Variants in SERINC5 observed in about 807,000 individuals in gnomAD.
SERINC5 encodes the protein chromosome 5 open reading frame 12.
SERINC5 carries 41 observed loss-of-function variants against 63.1 expected under a neutral mutation model. That is an observed-to-expected ratio of 0.65 (90% CI 0.51 to 0.84). The LOEUF (loss-of-function observed/expected upper bound fraction) is 0.84, where lower values mean the gene tolerates loss of function less well. Ranked by LOEUF, SERINC5 falls within the 40% of genes least tolerant of loss-of-function variation. The probability of loss-of-function intolerance (pLI) is 0.00; values close to 1 mark genes in which losing one functional copy is unlikely to be tolerated. For synonymous variants in SERINC5, 222 were observed against 215.2 expected, an observed-to-expected ratio of 1.03 and a Z score of -0.28; for missense variants, 523 against 573.0, an observed-to-expected ratio of 0.91 and a Z score of 0.89.
Position 80,176,040 on chromosome 5 carries a change from G to A in SERINC5, c.458-993C>T, listed in dbSNP as rs1041096757. ...CTAAAAATACAAAAATTAGCCAGGC[G>A]TGGTGGTGCGTGCCTATAGTCCCAG... On this transcript the variant is annotated intron_variant, in intron 4 of 11. Transcript: ENST00000507668. 5.3e-5 allele frequency among the ~76,000 whole-genome samples: 8 copies of A among 151,602 alleles called. No individual in the cohort carries two copies. In the East Asian group the frequency reaches 5.9e-4, roughly 11 times the overall value.
intron 1 of SERINC5, among the ~76,000 whole-genome samples, chr5:80,205,975 CAAAAAAA>C (rs368524252): frequency 2.1e-3 from 158 of 74,314 alleles, no homozygotes; most frequent in Non-Finnish European, 3.4e-3. Context: ...TGGTGGTGCA[CAAAAAAA>C]AAAAAAAAAA....
At chr5:80,179,844 TG>T (rs1748303157) in intron 2 of SERINC5, among the ~76,000 whole-genome samples, 1 of 152,224 alleles carries the variant, frequency 6.6e-6, no homozygotes, top group African/African-American at 2.4e-5. Context: ...AACTTCAAGA[TG>T]AGTTAAATCA....
chr5:80,196,360 T>C (rs958303581), intron 2 of SERINC5, among the ~76,000 whole-genome samples: 6 of 152,184 alleles, frequency 3.9e-5, no homozygotes, highest in Admixed American at 1.3e-4. Flanking sequence ...AGATGTACCA[T>C]TAAGTGTTGG....
At chr5:80,224,305 C>T (rs986043597) in intron 1 of SERINC5, among the ~76,000 whole-genome samples, 9 of 151,896 alleles carry the variant, frequency 5.9e-5, no homozygotes, top group Admixed American at 3.3e-4. Flanking sequence ...GGCAAAACCC[C>T]ACCCCTACAA....
Position 80,222,512 on chromosome 5 carries a change from C to T in SERINC5, c.28-19459G>A, listed in dbSNP as rs1049069480. Among the ~76,000 whole-genome samples the T allele has an allele frequency of 1.1e-4, 16 of 151,938 alleles. 1 individual carries two copies. The highest frequency in any genetic ancestry group is 3.9e-4 in the African/African-American group (16 of 41,334). On this transcript the variant is annotated intron_variant, in intron 1 of 11. Coordinates refer to ENST00000507668, the MANE Select transcript of SERINC5 (RefSeq NM_001174072.3). The stretch of plus-strand genomic sequence containing the variant: ...AACCAAATCCAAAATTGTGACCTCA[C>T]CAGATCCAACCCAGAAGTTTTGGTG...
At chr5:80,129,933 A>C (rs1434823659) in intron 11 of SERINC5, among the ~76,000 whole-genome samples, 8 of 152,212 alleles carry the variant, frequency 5.3e-5, no homozygotes, top group Admixed American at 5.2e-4. Flanking sequence ...AACATACAAA[A>C]TGCAGTCTTC....
At chr5:80,245,285 G>A (rs1752121015) in intron 1 of SERINC5, among the ~76,000 whole-genome samples, 1 of 152,208 alleles carries the variant, frequency 6.6e-6, no homozygotes, top group Non-Finnish European at 1.5e-5. Flanking sequence ...AACTGTGTGT[G>A]CAACTGCAGG....
intron 5 of SERINC5, 88 bp from the exon 6 acceptor site, chr5:80,169,634 A>C (rs1328768191): frequency 2.7e-5 from 27 of 1,009,648 alleles, no homozygotes; most frequent in Non-Finnish European, 3.9e-5. Flanking sequence ...ACCATCCCTC[A>C]GGCAGTAACT....
intron 2 of SERINC5, among the ~76,000 whole-genome samples, chr5:80,186,248 TGCCTCA>T (rs1180536902): frequency 6.6e-6 from 1 of 151,342 alleles, no homozygotes; most frequent in Non-Finnish European, 1.5e-5. Flanking sequence ...GTGATTCTCC[TGCCTCA>T]GCCTCCCGAG....
At chr5:80,160,442 C>T (rs1231684503) in intron 7 of SERINC5, among the ~76,000 whole-genome samples, 1 of 152,198 alleles carries the variant, frequency 6.6e-6, no homozygotes, top group Non-Finnish European at 1.5e-5. Context: ...TAAAGTAACA[C>T]TCTAGAAACC....
rs10700420 is a variant in SERINC5 at position 80,122,197 on chromosome 5, G to GTATATATA, written c.1239-8580_1239-8573dup. Among the ~76,000 whole-genome samples the GTATATATA allele has an allele frequency of 3.2e-3, 379 of 116,714 alleles. 30 individuals are homozygous for GTATATATA. Among genetic ancestry groups the GTATATATA allele is most frequent in the African/African-American group, 0.013 (329 of 25,288 alleles). The allele number at this position is 116,714 out of a possible 152,430, so 76.6% of individuals were successfully genotyped here. Reference sequence around the variant, plus strand: ...CTTCTCTAGAGGGACAGAACTAATAGTATATATATATATATAATATGAGTT... The same window carrying GTATATATA: ...CTTCTCTAGAGGGACAGAACTAATAGTATATATATATATATATATATATAATATGAGTT... On this transcript the variant is annotated intron_variant, in intron 11 of 12. Transcript: ENST00000509193.
At chr5:80,188,262 G>A (rs1379270377) in intron 2 of SERINC5, among the ~76,000 whole-genome samples, 4 of 122,812 alleles carry the variant, frequency 3.3e-5, no homozygotes, top group Admixed American at 1.1e-4. Flanking sequence ...TAGCCTGGGC[G>A]ACAGAGCAAG....
In SERINC5 at chr5:80,143,496, T is replaced by C. The variant is rs981634720; in HGVS notation, c.*167A>G. 20 of 1,357,206 alleles carry C rather than the reference T, an allele frequency of 1.5e-5. No individual in the cohort carries two copies. In the African/African-American group the frequency reaches 2.9e-4, roughly 20 times the overall value. 84.1% of individuals were successfully genotyped at this position (1,357,206 alleles called of 1,614,324 possible). The stretch of plus-strand genomic sequence containing the variant: ...TTGGGACAAACTGGTAGTTTCTTTT[T>C]GAATTTCAAAAGTAAAAAGCTAATC... On this transcript the variant is annotated 3_prime_UTR_variant, in exon 12 of 12. Coordinates refer to ENST00000507668, the MANE Select transcript of SERINC5 (RefSeq NM_001174072.3).
intron 1 of SERINC5, among the ~76,000 whole-genome samples, chr5:80,249,293 C>T (rs1163484165): frequency 6.7e-6 from 1 of 150,024 alleles, no homozygotes; most frequent in Middle Eastern, 3.4e-3. Context: ...CCAGCCTGGG[C>T]AACACAGCGA....
At chr5:80,223,553 A>G in intron 1 of SERINC5, among the ~76,000 whole-genome samples, 1 of 152,198 alleles carries the variant, frequency 6.6e-6, no homozygotes, top group East Asian at 1.9e-4. Context: ...ACTGGTTAGT[A>G]TCACTAACTT....
At chr5:80,197,550 G>A (rs1749588121) in intron 2 of SERINC5, among the ~76,000 whole-genome samples, 1 of 152,128 alleles carries the variant, frequency 6.6e-6, no homozygotes, top group South Asian at 2.1e-4. Flanking sequence ...GTTTCAGGCT[G>A]GGAATATCTA....
intron 11 of SERINC5, among the ~76,000 whole-genome samples, chr5:80,116,505 T>C (rs4703798): frequency 0.4 from 60,777 of 151,786 alleles, 13,314 homozygotes; most frequent in African/African-American, 0.56. Flanking sequence ...TTCCCCACTC[T>C]CCAGGCTTAG....
chr5:80,153,777 G>A (rs1198851248), intron 8 of SERINC5, among the ~76,000 whole-genome samples: 4 of 150,408 alleles, frequency 2.7e-5, no homozygotes, highest in Non-Finnish European at 3.0e-5. Context: ...CAGCCAAAAT[G>A]CCAGCAGTGC....
chr5:80,251,042 T>C (rs1333202249), intron 1 of SERINC5, among the ~76,000 whole-genome samples: 1 of 152,222 alleles, frequency 6.6e-6, no homozygotes, highest in Non-Finnish European at 1.5e-5. Flanking sequence ...ATTCAAGGCT[T>C]TGTTAATTAA....
Sources: gnomAD v4.1 joint callset for allele counts (sites outside exome capture counted in the v4.1 genomes callset) on GRCh38, gnomAD v4.1.1 for gene constraint, MANE v1.5 for transcripts, NCBI Gene and HGNC (gene_info 2026-07-23, HGNC 2026-07-21) for gene names.